Variants in TLL1 observed in about 807,000 individuals in gnomAD.
TLL1 encodes the protein tolloid like 1.
TLL1 carries 49 observed loss-of-function variants against 128.2 expected under a neutral mutation model. The ratio of observed to expected loss-of-function variants is 0.38; its 90% CI spans 0.30 to 0.48. TLL1 has a LOEUF of 0.48. Ranked by LOEUF, TLL1 falls within the 20% of genes least tolerant of loss-of-function variation. The pLI is 0.96. For synonymous variants in TLL1, 454 were observed against 418.8 expected (o/e 1.08, Z -1.03); for missense variants, 1,123 against 1,242.0 (o/e 0.90, Z 1.44).
intron 12 of TLL1, among the ~76,000 whole-genome samples, chr4:166,046,547 C>G (rs1739467569): frequency 6.6e-6 from 1 of 152,100 alleles, no homozygotes; most frequent in Non-Finnish European, 1.5e-5. Flanking sequence ...ATTTTGGAAG[C>G]CTAAAATTAA....
intron 7 of TLL1, among the ~76,000 whole-genome samples, chr4:166,011,537 C>T (rs1324561597): frequency 2.0e-5 from 3 of 151,392 alleles, no homozygotes; most frequent in Admixed American, 6.6e-5. Context: ...GTGTGTGGAA[C>T]AGTTAGAATT....
chr4:166,059,280 C>T (rs1740177813), intron 14 of TLL1, among the ~76,000 whole-genome samples: 1 of 151,992 alleles, frequency 6.6e-6, no homozygotes, highest in African/African-American at 2.4e-5. Context: ...CTCTTGACTC[C>T]TTAGGAATTA....
At chr4:165,881,483 TA>T (rs1730961935) in intron 1 of TLL1, among the ~76,000 whole-genome samples, 1 of 152,234 alleles carries the variant, frequency 6.6e-6, no homozygotes, top group African/African-American at 2.4e-5. Context: ...ACTGTCAATT[TA>T]CATGGTGGTG....
Position 166,073,775 on chromosome 4 carries a change from T to C in TLL1, c.2189-1103T>C, listed in dbSNP as rs537079512. Among the ~76,000 whole-genome samples, 8 of 152,250 alleles carry C rather than the reference T, an allele frequency of 5.3e-5. No individual in the cohort carries two copies. The South Asian group carries it at 1.5e-3, about 28-fold the overall frequency. ...ATGAAAATATCTTCCCTAACCTTTT[T>C]CCATGGAATGAATATTGAATTGATA... On this transcript the variant is annotated intron_variant, in intron 16 of 20. Transcript: ENST00000061240.
At chr4:165,974,499 C>T (rs1735783952) in intron 1 of TLL1, among the ~76,000 whole-genome samples, 1 of 151,928 alleles carries the variant, frequency 6.6e-6, no homozygotes, top group Admixed American at 6.6e-5. Context: ...TGTATATTAC[C>T]GAGAAGGTTA....
intron 1 of TLL1, among the ~76,000 whole-genome samples, chr4:165,952,064 G>A (rs987378613): frequency 6.6e-6 from 1 of 152,060 alleles, no homozygotes; most frequent in Non-Finnish European, 1.5e-5. Flanking sequence ...ATAAAAAGTT[G>A]ACTTTTCAAA....
intron 1 of TLL1, 106 bp downstream of exon 1, chr4:165,874,179 C>T: frequency 7.3e-7 from 1 of 1,379,082 alleles, no homozygotes; most frequent in Non-Finnish European, 1.0e-6. Flanking sequence ...CCCGCGTCAG[C>T]CCCTCCGCCG....
intron 1 of TLL1, among the ~76,000 whole-genome samples, chr4:165,878,343 GT>G (rs1730812250): frequency 6.6e-6 from 1 of 151,054 alleles, no homozygotes; most frequent in Non-Finnish European, 1.5e-5. Flanking sequence ...TTCTGTTTTA[GT>G]TTTCGTTTCC....
At chr4:165,890,170 C>T (rs377632444) in intron 1 of TLL1, among the ~76,000 whole-genome samples, 9 of 152,104 alleles carry the variant, frequency 5.9e-5, no homozygotes, top group Admixed American at 1.3e-4. Flanking sequence ...AGGTAACTGC[C>T]CCCATGATTC....
chr4:165,881,891 G>C (rs1435232964), intron 1 of TLL1, among the ~76,000 whole-genome samples: 4 of 152,124 alleles, frequency 2.6e-5, no homozygotes, highest in South Asian at 4.2e-4. Flanking sequence ...CACAGGCTCT[G>C]ACATTTTGTA....
intron 19 of TLL1, among the ~76,000 whole-genome samples, chr4:166,093,772 T>G (rs938674546): frequency 6.6e-6 from 1 of 152,178 alleles, no homozygotes; most frequent in African/African-American, 2.4e-5. Flanking sequence ...CTTTCCGCAG[T>G]GCATTGTGCC....
rs1163351101 is a variant in TLL1 at position 166,060,198 on chromosome 4, C to A, written c.2007+10C>A. The A allele has an allele frequency of 5.0e-6, 8 of 1,610,360 alleles. No homozygotes were observed. The highest frequency in any genetic ancestry group is 1.1e-5 in the South Asian group (1 of 90,992). ...ATTGGAAGGCAATGAAGTAAGTGAA[C>A]AATAACTGTAATTTTTTAAATCATG... On this transcript the variant is annotated intron_variant, in intron 15 of 20. Coordinates refer to ENST00000061240, the MANE Select transcript of TLL1 (RefSeq NM_012464.5).
intron 1 of TLL1, among the ~76,000 whole-genome samples, chr4:165,967,733 G>T (rs1560778475): frequency 6.6e-6 from 1 of 152,104 alleles, no homozygotes. Context: ...CATTAGAAGG[G>T]CAGAAAAGTT....
At chr4:165,926,287 A>C (rs1427498856) in intron 1 of TLL1, among the ~76,000 whole-genome samples, 1 of 152,216 alleles carries the variant, frequency 6.6e-6, no homozygotes, top group African/African-American at 2.4e-5. Flanking sequence ...TACAGCTTTA[A>C]GACAATACAG....
At chr4:166,046,993 A>C (rs1739485317) in intron 12 of TLL1, among the ~76,000 whole-genome samples, 1 of 152,160 alleles carries the variant, frequency 6.6e-6, no homozygotes. Context: ...TTTTGTTTAC[A>C]TATGTTTTCA....
chr4:166,015,189 C>G (rs1737877906), intron 8 of TLL1, among the ~76,000 whole-genome samples: 1 of 151,970 alleles, frequency 6.6e-6, no homozygotes, highest in Non-Finnish European at 1.5e-5. Flanking sequence ...AATCTAGATT[C>G]TATGTACCTC....
chr4:166,089,887 A>G (rs1189050824), intron 18 of TLL1, among the ~76,000 whole-genome samples: 1 of 151,678 alleles, frequency 6.6e-6, no homozygotes, highest in Non-Finnish European at 1.5e-5. Context: ...TCTACTCCCT[A>G]GTTAATATGA....
Position 165,923,421 on chromosome 4 carries a change from C to CTTTTTTTTTTTT in TLL1, c.169+49362_169+49373dup, listed in dbSNP as rs758162016. ...AAGTGCATCGGAAATATAGGTATACCTTTTTTTTTTTTTTTTTTTTTTTTT... is the reference window on the plus strand; with the variant it reads ...AAGTGCATCGGAAATATAGGTATACCTTTTTTTTTTTTTTTTTTTTTTTTTTTTTTTTTTTTT... On this transcript the variant is annotated intron_variant, in intron 1 of 20. Transcript: ENST00000061240. 1.7e-3 allele frequency among the ~76,000 whole-genome samples: 123 copies of CTTTTTTTTTTTT among 70,848 alleles called. 29 individuals are homozygous for CTTTTTTTTTTTT. The highest frequency in any genetic ancestry group is 7.3e-3 in the East Asian group (9 of 1,236). The allele number at this position is 70,848 out of a possible 152,430, so 46.5% of individuals were successfully genotyped here. A position where few individuals can be genotyped will look rare whatever the true frequency, so the allele number is the denominator to read the frequency against.
At chr4:166,061,189 T>C (rs1450341737) in intron 15 of TLL1, among the ~76,000 whole-genome samples, 4 of 152,018 alleles carry the variant, frequency 2.6e-5, no homozygotes. Flanking sequence ...TTTGCTTTTG[T>C]GTGTCTATTT....
Sources: gnomAD v4.1 joint callset for allele counts (sites outside exome capture counted in the v4.1 genomes callset) on GRCh38, gnomAD v4.1.1 for gene constraint, MANE v1.5 for transcripts, NCBI Gene and HGNC (gene_info 2026-07-23, HGNC 2026-07-21) for gene names.